ELL: variants seen among roughly 807,000 people sequenced by gnomAD.
The protein encoded by ELL is elongation factor for RNA polymerase II, also known as RNA polymerase II elongation factor ELL.
Under a neutral mutation model 64.0 loss-of-function variants are expected in ELL, and 18 were observed. That is an observed-to-expected ratio of 0.28 (90% CI 0.19 to 0.42). ELL has a LOEUF of 0.42. Ranked by LOEUF, ELL falls within the 10% of genes least tolerant of loss-of-function variation. The pLI, the probability that ELL is intolerant of heterozygous loss-of-function variation, is 1.00. For missense variants in ELL, 797 were observed against 870.4 expected, an observed-to-expected ratio of 0.92 and a Z score of 1.06; for synonymous variants, 399 against 376.2, an observed-to-expected ratio of 1.06 and a Z score of -0.70.
rs1184538238 is a variant in ELL, at chr19:18,450,759, C to T, written c.1183G>A (p.Asp395Asn). The T allele has an allele frequency of 2.5e-6, 4 of 1,579,652 alleles. No homozygotes were observed. The highest frequency in any genetic ancestry group is 1.1e-5 in the South Asian group (1 of 87,744). The change falls in exon 8 of 12, where the codon GAC (aspartate) becomes AAC (asparagine). Residue 395 changes from aspartate to asparagine, a missense_variant. Coordinates refer to ENST00000262809, the MANE Select transcript of ELL (RefSeq NM_006532.4). ...TCATTGCTGACATCGGCCAGGGGGT[C>T]GTGGGCCCTCGGGGGCTCCAGCCGC... ...PPRLEPPRAH[D>N]PLADVSNDLG...
chr19:18,465,681 T>C (rs1232112133), intron 3 of ELL, 106 bp from the exon 4 acceptor site: 3 of 1,477,308 alleles, frequency 2.0e-6, no homozygotes, highest in Non-Finnish European at 2.7e-6. Flanking sequence ...AAATGGACTC[T>C]GTCAACACCA....
intron 1 of ELL, among the ~76,000 whole-genome samples, chr19:18,514,193 T>C (rs981848657): frequency 2.0e-5 from 3 of 151,918 alleles, no homozygotes; most frequent in Non-Finnish European, 4.4e-5. Context: ...GGATGGTTTA[T>C]TTGGACACCA....
At position 18,501,594 on chromosome 19, in the gene ELL, G is replaced by C. The variant is rs1371687769; in HGVS notation, c.135+20327C>G. On this transcript the variant is annotated intron_variant, in intron 1 of 11. Transcript: ENST00000262809. This position sits in a 1 kb window ranked among gnomAD's most constrained non-coding sequence, Gnocchi z 4.5. Reference sequence around the variant, plus strand: ...GGCGGATGAGACGGGGGCCAAGCCAGGGGCCGGCTACTCACGAGTGCACAC... The same window carrying C: ...GGCGGATGAGACGGGGGCCAAGCCACGGGCCGGCTACTCACGAGTGCACAC... Among the ~76,000 whole-genome samples the C allele has an allele frequency of 6.6e-6, 1 of 152,208 alleles. No individual in the cohort carries two copies. The highest frequency in any genetic ancestry group is 1.5e-5 in the Non-Finnish European group (1 of 68,042).
At chr19:18,457,550 A>G (rs1187013569) in intron 6 of ELL, among the ~76,000 whole-genome samples, 2 of 152,184 alleles carry the variant, frequency 1.3e-5, no homozygotes, top group Non-Finnish European at 2.9e-5. Context: ...AAACAACTAC[A>G]AACTCATAAA....
intron 2 of ELL, among the ~76,000 whole-genome samples, chr19:18,466,386 CCT>C (rs1238279594): frequency 1.3e-5 from 2 of 152,196 alleles, no homozygotes; most frequent in African/African-American, 2.4e-5. Context: ...TTGGCGACCC[CCT>C]CTCAGCATCC....
At position 18,443,394 on chromosome 19, in the gene ELL, G is replaced by GAC. The variant is rs10625416; in HGVS notation, c.*1356_*1357dup. 0.43 allele frequency: 99,154 copies of GAC among 232,568 alleles called. 24,482 individuals carry two copies. Among genetic ancestry groups the GAC allele is most frequent in the African/African-American group, 0.76 (34,214 of 45,196 alleles). The allele number at this position is 232,568 out of a possible 1,614,324, so 14.4% of individuals were successfully genotyped here. On this transcript the variant is annotated 3_prime_UTR_variant, in exon 12 of 12. Transcript: ENST00000262809. Reference sequence around the variant, plus strand: ...CTCCACCCCCCAGTTTAGAAAAATAGACATCTGTATTTTTGCATTTCTGTT... The same window carrying GAC: ...CTCCACCCCCCAGTTTAGAAAAATAGACACATCTGTATTTTTGCATTTCTGTT...
At chr19:18,457,380 C>T (rs898091859) in intron 6 of ELL, among the ~76,000 whole-genome samples, 6 of 152,258 alleles carry the variant, frequency 3.9e-5, no homozygotes, top group Admixed American at 6.5e-5. Flanking sequence ...CTGTGCCCTC[C>T]GCCAGCCTGC....
intron 1 of ELL, among the ~76,000 whole-genome samples, chr19:18,496,453 C>T (rs1410328373): frequency 6.6e-6 from 1 of 152,214 alleles, no homozygotes; most frequent in Non-Finnish European, 1.5e-5. Flanking sequence ...AGTGCTTCCT[C>T]TACTTCCTGT....
chr19:18,507,303 A>T (rs926413283), intron 1 of ELL, among the ~76,000 whole-genome samples: 1 of 152,252 alleles, frequency 6.6e-6, no homozygotes, highest in Admixed American at 6.5e-5. Flanking sequence ...AGGGAGAGAT[A>T]ACATCCCCAG....
intron 1 of ELL, among the ~76,000 whole-genome samples, chr19:18,520,584 C>G (rs1223194575): frequency 6.6e-6 from 1 of 151,772 alleles, no homozygotes; most frequent in Admixed American, 6.6e-5. Context: ...GGGGTGGGCA[C>G]CGGGAGAGTG....
chr19:18,516,095 A>G (rs1382234162), intron 1 of ELL, among the ~76,000 whole-genome samples: 8 of 152,042 alleles, frequency 5.3e-5, no homozygotes, highest in Admixed American at 5.2e-4. Context: ...GCCCACCGGG[A>G]AGGGAAGATA....
At chr19:18,465,293 G>C in intron 4 of ELL, 119 bp downstream of exon 4, 1 of 1,377,508 alleles carries the variant, frequency 7.3e-7, no homozygotes. Context: ...CCGACTCCTC[G>C]GTTGACCCAT....
At chr19:18,472,132 T>C (rs550234984) in intron 2 of ELL, among the ~76,000 whole-genome samples, 1 of 152,114 alleles carries the variant, frequency 6.6e-6, no homozygotes, top group African/African-American at 2.4e-5. Context: ...CCAGCTAATT[T>C]TGTATTTTTA....
At chr19:18,509,865 C>T (rs1229000268) in intron 1 of ELL, among the ~76,000 whole-genome samples, 2 of 152,182 alleles carry the variant, frequency 1.3e-5, no homozygotes, top group Non-Finnish European at 2.9e-5. Flanking sequence ...GACCTCCAGG[C>T]CACTTCTCAC....
intron 1 of ELL, among the ~76,000 whole-genome samples, chr19:18,475,014 CT>C (rs1975147537): frequency 6.6e-6 from 1 of 152,184 alleles, no homozygotes; most frequent in Admixed American, 6.5e-5. Flanking sequence ...ATCCCAACTA[CT>C]TGGGAGGCCA....
At position 18,450,946 on chromosome 19, in the gene ELL, G is replaced by T; in HGVS notation, c.996C>A (p.Asp332Glu). 1 of 1,530,746 alleles carries T rather than the reference G, an allele frequency of 6.5e-7. No homozygotes were observed. The highest frequency in any genetic ancestry group is 8.8e-7 in the Non-Finnish European group (1 of 1,139,182). The allele number at this position is 1,530,746 out of a possible 1,614,324, so 94.8% of individuals were successfully genotyped here. The stretch of plus-strand genomic sequence containing the variant: ...TCCGGGGTTTCTTGTTGGCTAGGGG[G>T]TCGATGAAATCAGGAGGCTGCAGCC... ...QKRLQPPDFIDPLANKKPRIS... is the reference protein window; with the variant it reads ...QKRLQPPDFIEPLANKKPRIS... The change falls in exon 8 of 12, where the codon GAC becomes GAA. Residue 332 changes from aspartate (D) to glutamate (E), a missense_variant. Transcript: ENST00000262809.
intron 10 of ELL, chr19:18,446,077 C>G (rs1974407704): frequency 1.8e-6 from 1 of 565,354 alleles, no homozygotes; most frequent in Non-Finnish European, 3.1e-6. Flanking sequence ...ACAGCTGTCC[C>G]CACTGCAAAG....
chr19:18,445,458 T>G (rs1178217001), intron 10 of ELL, 190 bp from the exon 11 acceptor site: 2 of 448,878 alleles, frequency 4.5e-6, no homozygotes, highest in Non-Finnish European at 8.4e-6. Flanking sequence ...AGGGAAAGGC[T>G]GCCGGGTCCC....
chr19:18,501,000 G>A (rs906356876), intron 1 of ELL, among the ~76,000 whole-genome samples: 4 of 152,118 alleles, frequency 2.6e-5, no homozygotes, highest in Non-Finnish European at 5.9e-5. Context: ...AGAACCTGCA[G>A]GGAAGCAGGC....
Sources: gnomAD v4.1 joint callset for allele counts (sites outside exome capture counted in the v4.1 genomes callset) on GRCh38, gnomAD v4.1.1 for gene constraint, Gnocchi (gnomAD v3.1) non-coding constraint, MANE v1.5 for transcripts, NCBI Gene and HGNC (gene_info 2026-07-23, HGNC 2026-07-21) for gene names.